SAMD4A: variants seen among roughly 807,000 people sequenced by gnomAD.
The protein encoded by SAMD4A is protein Smaug homolog 1.
SAMD4A carries 33 observed loss-of-function variants against 81.3 expected under a neutral mutation model. The observed-to-expected ratio is 0.41, with a 90% CI of 0.31 to 0.54. The LOEUF (loss-of-function observed/expected upper bound fraction) is 0.54, where lower values mean the gene tolerates loss of function less well. Among genes scored for constraint, SAMD4A ranks in the 20% least tolerant of loss-of-function variants. The pLI, the probability that SAMD4A is intolerant of heterozygous loss-of-function variation, is 0.37. For synonymous variants in SAMD4A, 389 were observed against 382.1 expected (o/e 1.02, Z -0.21); for missense variants, 854 against 951.1 (o/e 0.90, Z 1.34).
intron 4 of SAMD4A, among the ~76,000 whole-genome samples, chr14:54,740,723 T>C (rs116561076): frequency 1.1e-4 from 17 of 152,286 alleles, no homozygotes; most frequent in African/African-American, 4.1e-4. Context: ...CAAGCCCCCT[T>C]CTTGTCTTGG....
At chr14:54,772,825 AC>A (rs1350117557) in intron 9 of SAMD4A, among the ~76,000 whole-genome samples, 7 of 131,664 alleles carry the variant, frequency 5.3e-5, no homozygotes, top group African/African-American at 7.6e-5. Context: ...AAACAAACAA[AC>A]AAAAAAAAAA....
chr14:54,764,854 G>A (rs1365335587), intron 8 of SAMD4A, among the ~76,000 whole-genome samples: 1 of 152,236 alleles, frequency 6.6e-6, no homozygotes. Context: ...CTGCTGCTTA[G>A]CCCTGGGCAT....
chr14:54,768,532 T>A (rs915685666), intron 8 of SAMD4A, among the ~76,000 whole-genome samples: 2 of 152,228 alleles, frequency 1.3e-5, no homozygotes, highest in Non-Finnish European at 2.9e-5. Flanking sequence ...CAGGTCACCC[T>A]GACCAGCATG....
At chr14:54,653,695 CTT>C (rs1359684551) in intron 2 of SAMD4A, among the ~76,000 whole-genome samples, 5 of 152,090 alleles carry the variant, frequency 3.3e-5, no homozygotes, top group African/African-American at 1.2e-4. Flanking sequence ...CTGTGCTTCT[CTT>C]GAGGCAATAA....
At chr14:54,695,485 A>G (rs2036551077) in intron 2 of SAMD4A, among the ~76,000 whole-genome samples, 1 of 152,246 alleles carries the variant, frequency 6.6e-6, no homozygotes, top group Non-Finnish European at 1.5e-5. Context: ...CCAAGACAGC[A>G]AGGTAGAAGC....
At chr14:54,722,937 G>A (rs533898401) in intron 3 of SAMD4A, among the ~76,000 whole-genome samples, 7 of 152,150 alleles carry the variant, frequency 4.6e-5, no homozygotes, top group South Asian at 2.1e-4. Context: ...ATAAAATGTC[G>A]GCATTGCTCT....
intron 2 of SAMD4A, among the ~76,000 whole-genome samples, chr14:54,584,272 C>T (rs2033555424): frequency 6.6e-6 from 1 of 152,186 alleles, no homozygotes; most frequent in Non-Finnish European, 1.5e-5. Flanking sequence ...TGGCACACTG[C>T]ATTTCAGTGT....
chr14:54,574,976 A>C (rs1427438884), intron 2 of SAMD4A, among the ~76,000 whole-genome samples: 2 of 151,500 alleles, frequency 1.3e-5, no homozygotes, highest in Non-Finnish European at 2.9e-5. Context: ...GTAGACTGTT[A>C]GAAATGAAAG....
chr14:54,630,773 G>T (rs966659804), intron 2 of SAMD4A, among the ~76,000 whole-genome samples: 3 of 151,802 alleles, frequency 2.0e-5, no homozygotes, highest in African/African-American at 7.3e-5. Context: ...TATTAGTCAG[G>T]GTTCTCCAGA....
chr14:54,623,089 C>G (rs1272770807), intron 2 of SAMD4A, among the ~76,000 whole-genome samples: 1 of 152,220 alleles, frequency 6.6e-6, no homozygotes, highest in Non-Finnish European at 1.5e-5. Flanking sequence ...TGCACCAGCC[C>G]TGCCGGGGCT....
chr14:54,758,723 G>A (rs563779613), intron 6 of SAMD4A, among the ~76,000 whole-genome samples: 4 of 152,278 alleles, frequency 2.6e-5, no homozygotes, highest in African/African-American at 4.8e-5. Context: ...CCAGCTATTC[G>A]GGAGGCTGAG....
intron 2 of SAMD4A, among the ~76,000 whole-genome samples, chr14:54,685,082 TA>T (rs2036226097): frequency 6.6e-6 from 1 of 151,988 alleles, no homozygotes; most frequent in East Asian, 1.9e-4. Context: ...GAAGGGAGAG[TA>T]GATTTATCTT....
chr14:54,613,885 G>A (rs1355770725), intron 2 of SAMD4A, among the ~76,000 whole-genome samples: 2 of 152,120 alleles, frequency 1.3e-5, no homozygotes, highest in Admixed American at 6.5e-5. Flanking sequence ...TTTTTTGCTC[G>A]TGTTACCTCA....
chr14:54,665,962 G>T, intron 2 of SAMD4A, among the ~76,000 whole-genome samples: 1 of 152,152 alleles, frequency 6.6e-6, no homozygotes, highest in East Asian at 1.9e-4. Context: ...GGCAGGATGT[G>T]AACCCCAAAG....
intron 2 of SAMD4A, among the ~76,000 whole-genome samples, chr14:54,576,614 G>A (rs768586403): frequency 2.0e-5 from 3 of 152,210 alleles, no homozygotes; most frequent in Non-Finnish European, 4.4e-5. Flanking sequence ...GAGAACTAAT[G>A]CCATTTCCTA....
intron 3 of SAMD4A, among the ~76,000 whole-genome samples, chr14:54,724,172 T>A (rs1415776696): frequency 2.0e-5 from 3 of 152,182 alleles, no homozygotes; most frequent in African/African-American, 7.2e-5. Flanking sequence ...GAAAAGCTAG[T>A]GGACTTGTTC....
intron 2 of SAMD4A, among the ~76,000 whole-genome samples, chr14:54,597,275 CT>C: frequency 6.6e-6 from 1 of 151,634 alleles, no homozygotes; most frequent in East Asian, 1.9e-4. Flanking sequence ...TTTTTCTTTT[CT>C]TTTTTCTTTT....
chr14:54,743,612 C>T (rs185114389), intron 4 of SAMD4A, among the ~76,000 whole-genome samples: 3 of 151,302 alleles, frequency 2.0e-5, no homozygotes, highest in Admixed American at 6.7e-5. Context: ...TCATCTCTAA[C>T]GGAAACTGCG....
chr14:54,765,758 C>T (rs1365906753), intron 8 of SAMD4A, among the ~76,000 whole-genome samples: 1 of 152,190 alleles, frequency 6.6e-6, no homozygotes, highest in Non-Finnish European at 1.5e-5. Context: ...TCTCCACTTC[C>T]CTCTCATGTT....
Sources: allele counts gnomAD v4.1 joint callset (sites outside exome capture counted in the v4.1 genomes callset), GRCh38; gene constraint gnomAD v4.1.1; transcripts MANE v1.5; gene names NCBI Gene and HGNC (gene_info 2026-07-23, HGNC 2026-07-21).